The following BFSP1 variants were observed in gnomAD, a reference collection of about 807,000 sequenced individuals.
The protein encoded by BFSP1 is beaded filament structural protein 1.
A neutral mutation model predicts 43.9 loss-of-function variants in BFSP1; 38 were observed. That is an observed-to-expected ratio of 0.87 (90% confidence interval 0.67 to 1.14). BFSP1 has a LOEUF of 1.14. Ranked by LOEUF, BFSP1 falls within the 50% of genes most tolerant of loss-of-function variation. The pLI is 0.00. For synonymous variants in BFSP1, 352 were observed against 354.8 expected (o/e 0.99, Z 0.09); for missense variants, 850 against 875.1 (o/e 0.97, Z 0.36).
Position 17,531,369 on chromosome 20 carries a change from C to A in BFSP1, c.-40G>T. 1 of 1,327,224 alleles carries A rather than the reference C, an allele frequency of 7.5e-7. No homozygotes were observed. The highest frequency in any genetic ancestry group is 9.6e-7 in the Non-Finnish European group (1 of 1,043,920). The allele number at this position is 1,327,224 out of a possible 1,614,324, so 82.2% of individuals were successfully genotyped here. A position where few individuals can be genotyped will look rare whatever the true frequency, so the allele number is the denominator to read the frequency against. Reference sequence around the variant, plus strand: ...GGGCGCGCGGGCGGCGCCGAGCCGGCTCTCCAGGAGGCCCCCGGCGCAGCC... The same window carrying A: ...GGGCGCGCGGGCGGCGCCGAGCCGGATCTCCAGGAGGCCCCCGGCGCAGCC... On this transcript the variant is annotated 5_prime_UTR_variant, in exon 1 of 8. Transcript: ENST00000377873.
At chr20:17,497,426 A>G (rs1568678931) in intron 6 of BFSP1, among the ~76,000 whole-genome samples, 1 of 129,470 alleles carries the variant, frequency 7.7e-6, no homozygotes, top group Non-Finnish European at 1.6e-5. Context: ...CCAACTTAAG[A>G]TATATGTATA....
chr20:17,535,566 A>G (rs942401857), upstream of BFSP1, among the ~76,000 whole-genome samples: 91 of 152,216 alleles, frequency 6.0e-4, 1 homozygote, highest in Admixed American at 3.9e-4. Flanking sequence ...ATCTAGGAGC[A>G]AAGACCCATG....
rs138914419 is a variant in BFSP1, at chr20:17,530,115, G to A, written c.377+838C>T. On this transcript the variant is annotated intron_variant, in intron 1 of 7. Transcript: ENST00000377873. ...CAGATTCTGATTCTGGAGTTCTAGG[G>A]TGGGCCCAAGAATCTGTATTTCTAG... 3.9e-3 allele frequency among the ~76,000 whole-genome samples: 593 copies of A among 152,292 alleles called. 2 individuals carry two copies. The highest frequency in any genetic ancestry group is 0.014 in the African/African-American group (561 of 41,552).
chr20:17,565,615 C>G (rs1483469968), intron 1 of BFSP1: 1 of 152,196 alleles, frequency 6.6e-6, no homozygotes, highest in Non-Finnish European at 1.5e-5. Flanking sequence ...ACACAGAACA[C>G]CAATAAAAAC....
chr20:17,536,700 G>A (rs2034634295), intron 1 of BFSP1, among the ~76,000 whole-genome samples: 1 of 152,116 alleles, frequency 6.6e-6, no homozygotes, highest in Admixed American at 6.5e-5. Flanking sequence ...CCTTTCAGTT[G>A]AGATACATTC....
At chr20:17,557,564 T>G (rs988863743) in intron 1 of BFSP1, among the ~76,000 whole-genome samples, 1 of 152,230 alleles carries the variant, frequency 6.6e-6, no homozygotes, top group Non-Finnish European at 1.5e-5. Context: ...GTTGCCGGCA[T>G]GACCCAGCTA....
chr20:17,549,204 C>T (rs1056645049), intron 1 of BFSP1, among the ~76,000 whole-genome samples: 13 of 152,172 alleles, frequency 8.5e-5, no homozygotes, highest in East Asian at 1.9e-4. Context: ...GCCTCTAGAA[C>T]GAATCCTCTT....
intron 1 of BFSP1, among the ~76,000 whole-genome samples, chr20:17,527,750 A>AAGAG (rs10604740): frequency 1.3e-5 from 2 of 150,386 alleles, no homozygotes; most frequent in South Asian, 4.2e-4. Flanking sequence ...AAAATAAAAT[A>AAGAG]AGAGAGAGAG....
intron 5 of BFSP1, among the ~76,000 whole-genome samples, chr20:17,504,072 T>C (rs1253480452): frequency 6.6e-6 from 1 of 151,978 alleles, no homozygotes; most frequent in Non-Finnish European, 1.5e-5. Flanking sequence ...GGGTGTGCAT[T>C]TGTGTTTGTT....
At chr20:17,535,750 C>T (rs142576175), upstream of BFSP1, among the ~76,000 whole-genome samples, 1 of 152,148 alleles carries the variant, frequency 6.6e-6, no homozygotes, top group African/African-American at 2.4e-5. Flanking sequence ...TTCCAAAACA[C>T]CTGCAAAAAG....
rs542210892 is a variant in BFSP1 at position 17,524,211 on chromosome 20, G to A, written c.438+637C>T. Among the ~76,000 whole-genome samples the A allele has an allele frequency of 1.6e-3, 245 of 152,284 alleles. 1 individual carries two copies. The highest frequency in any genetic ancestry group is 3.4e-3 in the Middle Eastern group (1 of 294). On this transcript the variant is annotated intron_variant, in intron 2 of 7. Coordinates refer to ENST00000377873, the MANE Select transcript of BFSP1 (RefSeq NM_001195.5). ...TGGTCCAGAATCATTCTGCTTTTTG[G>A]TGGTGGGATTCTCCCAGCAAAAGCA... is the stretch of plus-strand genomic sequence containing the variant.
At chr20:17,509,274 G>A (rs41276392) in intron 4 of BFSP1, among the ~76,000 whole-genome samples, 2 of 123,314 alleles carry the variant, frequency 1.6e-5, no homozygotes, top group East Asian at 5.4e-4. Flanking sequence ...TGTCTGTCAC[G>A]TGAGACACAG....
At chr20:17,508,176 G>A in intron 5 of BFSP1, among the ~76,000 whole-genome samples, 1 of 152,164 alleles carries the variant, frequency 6.6e-6, no homozygotes, top group Non-Finnish European at 1.5e-5. Context: ...CAAAGGTGCA[G>A]TATTTTAACC....
intron 5 of BFSP1, among the ~76,000 whole-genome samples, chr20:17,503,201 ATTTT>A (rs59472927): frequency 6.6e-6 from 1 of 151,520 alleles, no homozygotes; most frequent in Non-Finnish European, 1.5e-5. Flanking sequence ...TTAAAAAAAA[ATTTT>A]TTTTTGTAGA....
intron 1 of BFSP1, among the ~76,000 whole-genome samples, chr20:17,557,142 T>G (rs1043505441): frequency 3.9e-5 from 6 of 152,136 alleles, no homozygotes; most frequent in South Asian, 2.1e-4. Flanking sequence ...CAACACTGAT[T>G]AATATAAGAT....
At chr20:17,518,506 T>C (rs1324485941) in intron 2 of BFSP1, among the ~76,000 whole-genome samples, 2 of 152,196 alleles carry the variant, frequency 1.3e-5, no homozygotes, top group Admixed American at 6.5e-5. Context: ...CCCAGACTGA[T>C]GCACTCATGC....
chr20:17,568,550 C>A (rs773888915), intron 1 of BFSP1, among the ~76,000 whole-genome samples: 3 of 152,032 alleles, frequency 2.0e-5, no homozygotes, highest in Non-Finnish European at 4.4e-5. Context: ...TCTCAAGCAT[C>A]ATCTTAGAAG....
In BFSP1 at chr20:17,494,966, T is replaced by C; in HGVS notation, c.1106A>G (p.Asn369Ser). ...TATAATCTCTTTTCTCCTTGGAACA[T>C]TCTTGGGGAGGGCTTTTTGTCTTGG... ...AKPRQKALPK[N>S]VPRRKEIITK... The change falls in exon 8 of 8, where the codon AAT becomes AGT. Residue 369 changes from asparagine to serine, a missense_variant. By Grantham distance (46) the Asn-to-Ser change is conservative. Coordinates refer to ENST00000377873, the MANE Select transcript of BFSP1 (RefSeq NM_001195.5). 1 of 1,614,158 alleles carries C rather than the reference T, an allele frequency of 6.2e-7. No homozygotes were observed. The highest frequency in any genetic ancestry group is 8.5e-7 in the Non-Finnish European group (1 of 1,180,022).
At chr20:17,537,580 A>C (rs896165902) in intron 1 of BFSP1, among the ~76,000 whole-genome samples, 1 of 151,942 alleles carries the variant, frequency 6.6e-6, no homozygotes, top group African/African-American at 2.4e-5. Flanking sequence ...AAAAAAAAAA[A>C]AAAAAAAAAC....
Sources: allele counts gnomAD v4.1 joint callset (sites outside exome capture counted in the v4.1 genomes callset), GRCh38; gene constraint gnomAD v4.1.1; transcripts MANE v1.5; gene names NCBI Gene and HGNC (gene_info 2026-07-23, HGNC 2026-07-21).